Variants in PTPN4 observed in about 807,000 individuals in gnomAD.
The protein encoded by PTPN4 is tyrosine-protein phosphatase non-receptor type 4.
In PTPN4, 49 loss-of-function variants were observed where a neutral mutation model predicts 135.5. The ratio of observed to expected loss-of-function variants is 0.36; its 90% CI spans 0.29 to 0.46. PTPN4 has a LOEUF of 0.46. Ranked by LOEUF, PTPN4 falls within the 20% of genes least tolerant of loss-of-function variation. The pLI, the probability that PTPN4 is intolerant of heterozygous loss-of-function variation, is 1.00. For missense variants in PTPN4, 860 were observed against 1,101.0 expected, an observed-to-expected ratio of 0.78 and a Z score of 3.10; for synonymous variants, 333 against 369.9, an observed-to-expected ratio of 0.90 and a Z score of 1.14.
rs1678389301 is a variant in PTPN4 at position 119,900,725 on chromosome 2, G to A, written c.683G>A (p.Ser228Asn). Reference protein sequence around the residue: ...GVEFHYARDQSNNEIMIGVMS... With the variant: ...GVEFHYARDQNNNEIMIGVMS... Reference sequence around the variant, plus strand: ...TATTCATTTTTTTTGAAGGATCAGAGTAACAATGAAATTATGATTGGAGTG... The same window carrying A: ...TATTCATTTTTTTTGAAGGATCAGAATAACAATGAAATTATGATTGGAGTG... Residue 228 changes from serine to asparagine, a missense_variant, in exon 10 of 27, where the codon AGT becomes AAT. Physicochemically the swap from Ser to Asn is conservative, Grantham distance 46. Around this residue, in one of 2 missense-constraint regions of PTPN4, gnomAD observed 684 missense variants for 807.0 expected, o/e 0.85. Transcript: ENST00000263708. 1 of 1,567,726 alleles carries A rather than the reference G, an allele frequency of 6.4e-7. No individual in the cohort carries two copies. The highest frequency in any genetic ancestry group is 8.7e-7 in the Non-Finnish European group (1 of 1,152,798).
At position 119,778,441 on chromosome 2, in the gene PTPN4, G is replaced by A. The variant is rs76198956; in HGVS notation, c.-18+18057G>A. Among the ~76,000 whole-genome samples, 284 of 152,280 alleles carry A rather than the reference G, an allele frequency of 1.9e-3. 1 individual carries two copies. Among genetic ancestry groups the A allele is most frequent in the Non-Finnish European group, 3.1e-3 (214 of 68,016 alleles). ...CTTGAGGGCAGAGATCTAGATGTGT[G>A]CATATGTGTATCTCTAGCATCTAGC... On this transcript the variant is annotated intron_variant, in intron 1 of 26. Transcript: ENST00000263708.
At position 119,848,650 on chromosome 2, in the gene PTPN4, G is replaced by T. The variant is rs887829324; in HGVS notation, c.139-13886G>T. Among the ~76,000 whole-genome samples the T allele has an allele frequency of 2.6e-5, 4 of 152,020 alleles. No individual in the cohort carries two copies. The South Asian group carries it at 8.3e-4, about 32-fold the overall frequency. Reference sequence around the variant, plus strand: ...GAGTCTCACTCTGTCACCCAGGCTGGATTGCAGTGATGCAATCTCGGCTCA... The same window carrying T: ...GAGTCTCACTCTGTCACCCAGGCTGTATTGCAGTGATGCAATCTCGGCTCA... On this transcript the variant is annotated intron_variant, in intron 2 of 26. Coordinates refer to ENST00000263708, the MANE Select transcript of PTPN4 (RefSeq NM_002830.4).
At chr2:119,973,453 A>G (rs1679565553) in intron 26 of PTPN4, among the ~76,000 whole-genome samples, 1 of 152,124 alleles carries the variant, frequency 6.6e-6, no homozygotes, top group South Asian at 2.1e-4. Context: ...ATATGGGTGT[A>G]TAAAGATCTC....
At chr2:119,774,777 A>G (rs1690800131) in intron 1 of PTPN4, among the ~76,000 whole-genome samples, 1 of 152,182 alleles carries the variant, frequency 6.6e-6, no homozygotes, top group Non-Finnish European at 1.5e-5. Context: ...CTATAATCCC[A>G]GCACTTTGGG....
Position 119,807,359 on chromosome 2 carries a change from A to AT in PTPN4, c.-17-2478_-17-2477insT, listed in dbSNP as rs570186614. On this transcript the variant is annotated intron_variant, in intron 1 of 26. Coordinates refer to ENST00000263708, the MANE Select transcript of PTPN4 (RefSeq NM_002830.4). ...ACTAATAAAGAAGAAAAGAGGGAAG[A>AT]ATCGAATAGACGCAATAAAAAATCA... 4.1e-4 allele frequency among the ~76,000 whole-genome samples: 62 copies of AT among 152,326 alleles called. No homozygotes were observed. The East Asian group carries it at 0.011, about 26-fold the overall frequency.
In PTPN4 at chr2:119,980,805, T is replaced by G. The variant is rs1277525145; in HGVS notation, c.*3735T>G. ...AGAACATAAGCTTTTGTAAAGTATT[T>G]AGACTGATAACACATGCAGTATGAA... On this transcript the variant is annotated 3_prime_UTR_variant, in exon 27 of 27. Transcript: ENST00000263708. The G allele has an allele frequency of 1.3e-5, 2 of 152,016 alleles. No homozygotes were observed. The highest frequency in any genetic ancestry group is 2.9e-5 in the Non-Finnish European group (2 of 67,922). The allele number at this position is 152,016 out of a possible 1,614,324, so 9.4% of individuals were successfully genotyped here.
Position 119,980,867 on chromosome 2 carries a change from A to G in PTPN4, c.*3797A>G, listed in dbSNP as rs997297198. 2.6e-5 allele frequency: 4 copies of G among 152,044 alleles called. No homozygotes were observed. Among genetic ancestry groups the G allele is most frequent in the Non-Finnish European group, 4.4e-5 (3 of 67,920 alleles). The allele number at this position is 152,044 out of a possible 1,614,324, so 9.4% of individuals were successfully genotyped here. A position where few individuals can be genotyped will look rare whatever the true frequency, so the allele number is the denominator to read the frequency against. On this transcript the variant is annotated 3_prime_UTR_variant, in exon 27 of 27. Transcript: ENST00000263708. ...CTGCAGTTAGAAGACTAATTTTTTA[A>G]AAGCACTCAAAACATAGAACTAAGA...
chr2:119,841,001 G>T (rs1048812637), intron 2 of PTPN4, among the ~76,000 whole-genome samples: 9 of 151,990 alleles, frequency 5.9e-5, no homozygotes, highest in African/African-American at 2.2e-4. Flanking sequence ...ATAGATTGCA[G>T]AAATATTCTC....
At chr2:119,856,704 T>A (rs1574372694) in intron 2 of PTPN4, among the ~76,000 whole-genome samples, 1 of 152,180 alleles carries the variant, frequency 6.6e-6, no homozygotes, top group African/African-American at 2.4e-5. Flanking sequence ...TGATAAGAAG[T>A]CTTAACAGAC....
At chr2:119,894,724 A>G (rs367584086) in intron 9 of PTPN4, among the ~76,000 whole-genome samples, 1 of 152,180 alleles carries the variant, frequency 6.6e-6, no homozygotes, top group Non-Finnish European at 1.5e-5. Context: ...GAGTTCCCCA[A>G]AGGAATAATT....
chr2:119,815,789 T>G (rs1340736736), intron 2 of PTPN4, among the ~76,000 whole-genome samples: 1 of 152,208 alleles, frequency 6.6e-6, no homozygotes, highest in East Asian at 1.9e-4. Context: ...GGATTCTATT[T>G]AGAAAGATTT....
chr2:119,893,341 T>C (rs12620905), intron 9 of PTPN4, among the ~76,000 whole-genome samples: 46,311 of 152,038 alleles, frequency 0.3, 8,676 homozygotes, highest in East Asian at 0.49. Context: ...CCAAAGCTTT[T>C]GGCCTGAACT....
intron 2 of PTPN4, among the ~76,000 whole-genome samples, chr2:119,838,678 T>A (rs1370678492): frequency 6.6e-6 from 1 of 152,224 alleles, no homozygotes; most frequent in Non-Finnish European, 1.5e-5. Flanking sequence ...TCTGTAGATG[T>A]ATTATCCCTT....
At chr2:119,773,701 A>C (rs1206527521) in intron 1 of PTPN4, among the ~76,000 whole-genome samples, 1 of 149,510 alleles carries the variant, frequency 6.7e-6, no homozygotes, top group East Asian at 2.0e-4. Flanking sequence ...GCACCACTGC[A>C]CTCCAGCCTG....
intron 1 of PTPN4, among the ~76,000 whole-genome samples, chr2:119,768,993 A>T (rs545684015): frequency 2.6e-5 from 4 of 152,298 alleles, no homozygotes; most frequent in Admixed American, 2.0e-4. Flanking sequence ...ATAGCCTCTG[A>T]GTATCTGTGG....
chr2:119,936,245 G>A (rs1278165227), intron 15 of PTPN4, among the ~76,000 whole-genome samples: 5 of 152,022 alleles, frequency 3.3e-5, no homozygotes, highest in Admixed American at 2.0e-4. Context: ...CTCGTGATTC[G>A]CCCACCTCGG....
At chr2:119,957,138 A>G in intron 22 of PTPN4, 61 bp downstream of exon 22, 1 of 1,458,474 alleles carries the variant, frequency 6.9e-7, no homozygotes, top group Non-Finnish European at 9.4e-7. Context: ...ATGAACTTTG[A>G]GGTTCTTTTT....
At chr2:119,836,544 G>A (rs536196417) in intron 2 of PTPN4, among the ~76,000 whole-genome samples, 21 of 152,356 alleles carry the variant, frequency 1.4e-4, no homozygotes, top group Middle Eastern at 6.8e-3. Flanking sequence ...CGGAGCCTGC[G>A]GGAGCTGGGA....
intron 9 of PTPN4, among the ~76,000 whole-genome samples, chr2:119,887,691 A>G (rs570395534): frequency 6.6e-6 from 1 of 152,120 alleles, no homozygotes; most frequent in African/African-American, 2.4e-5. Context: ...GGCTGTAAAT[A>G]TTTGGCTTTG....
Sources: gnomAD v4.1 joint callset for allele counts (sites outside exome capture counted in the v4.1 genomes callset) on GRCh38, gnomAD v4.1.1 for gene constraint, gnomAD v4.1.1 regional missense constraint, MANE v1.5 for transcripts, NCBI Gene and HGNC (gene_info 2026-07-23, HGNC 2026-07-21) for gene names.